The following DDR2 variants were observed in gnomAD, a reference collection of about 807,000 sequenced individuals.
DDR2 encodes discoidin domain-containing receptor 2.
A neutral mutation model predicts 94.9 loss-of-function variants in DDR2; 27 were observed. That is an observed-to-expected ratio of 0.28 (90% CI 0.21 to 0.39). The LOEUF is 0.39. Ranked by LOEUF, DDR2 falls within the 10% of genes least tolerant of loss-of-function variation. The pLI is 1.00. For missense variants in DDR2, 783 were observed against 1,076.0 expected (o/e 0.73, Z 3.81); for synonymous variants, 382 against 377.2 (o/e 1.01, Z -0.15).
intron 2 of DDR2, among the ~76,000 whole-genome samples, chr1:162,717,269 C>T (rs1661216443): frequency 6.6e-6 from 1 of 152,142 alleles, no homozygotes; most frequent in Non-Finnish European, 1.5e-5. Flanking sequence ...CTCCTGACCT[C>T]AGGTGATCCA....
chr1:162,637,226 T>A (rs1656870761), intron 1 of DDR2, among the ~76,000 whole-genome samples: 1 of 152,180 alleles, frequency 6.6e-6, no homozygotes, highest in Admixed American at 6.5e-5. Context: ...TGAATTTGAC[T>A]GTGTGAAACT....
chr1:162,707,532 A>C lies in DDR2; in HGVS notation c.-27-11505A>C, dbSNP rs541494633. 8.5e-5 allele frequency among the ~76,000 whole-genome samples: 13 copies of C among 152,260 alleles called. No homozygotes were observed. In the East Asian group the frequency reaches 2.5e-3, roughly 29 times the overall value. The stretch of plus-strand genomic sequence containing the variant: ...ATCCAGGTCCACTTATACATCTTCT[A>C]ATCTATTGCACCAACCCTGCAGCCA... On this transcript the variant is annotated intron_variant, in intron 2 of 17. Transcript: ENST00000367921.
chr1:162,636,058 T>C (rs770407638), intron 1 of DDR2, among the ~76,000 whole-genome samples: 7 of 152,244 alleles, frequency 4.6e-5, no homozygotes, highest in Non-Finnish European at 1.0e-4. Context: ...AATTTTTCTC[T>C]CTTTTAATTA....
At chr1:162,723,116 A>G (rs546437510) in intron 3 of DDR2, among the ~76,000 whole-genome samples, 10 of 152,170 alleles carry the variant, frequency 6.6e-5, no homozygotes, top group African/African-American at 2.4e-4. Context: ...CCTGCAGGAG[A>G]GTCATAGTGC....
At chr1:162,755,977 C>T (rs760593228) in intron 7 of DDR2, among the ~76,000 whole-genome samples, 3 of 152,128 alleles carry the variant, frequency 2.0e-5, no homozygotes, top group South Asian at 2.1e-4. Flanking sequence ...AAGTTAATTA[C>T]CCAGAAAACA....
intron 14 of DDR2, among the ~76,000 whole-genome samples, chr1:162,774,237 A>T (rs1488254947): frequency 6.6e-6 from 1 of 152,154 alleles, no homozygotes; most frequent in Non-Finnish European, 1.5e-5. Context: ...CCTTTCCATT[A>T]CAATAATGGT....
At chr1:162,718,712 G>A (rs1017094310) in intron 2 of DDR2, among the ~76,000 whole-genome samples, 1 of 152,156 alleles carries the variant, frequency 6.6e-6, no homozygotes, top group Non-Finnish European at 1.5e-5. Context: ...CAGTTTACAT[G>A]ATAAATATAA....
chr1:162,777,062 G>A (rs1448168557), intron 16 of DDR2, among the ~76,000 whole-genome samples: 1 of 151,882 alleles, frequency 6.6e-6, no homozygotes, highest in African/African-American at 2.4e-5. Context: ...AGACCAATTT[G>A]GTTTTGTTCA....
chr1:162,770,229 T>G (rs922965969), intron 11 of DDR2, 73 bp from the exon 12 acceptor site: 14 of 1,419,016 alleles, frequency 9.9e-6, no homozygotes, highest in Non-Finnish European at 1.3e-5. Context: ...GTGGGAGAGC[T>G]GAGTTTAAGA....
chr1:162,726,552 A>T (rs992703368), intron 3 of DDR2, among the ~76,000 whole-genome samples: 3 of 152,194 alleles, frequency 2.0e-5, no homozygotes, highest in Non-Finnish European at 4.4e-5. Flanking sequence ...GCAAGAAAAA[A>T]CAAAGCTCCA....
Position 162,751,889 on chromosome 1 carries a change from C to T in DDR2, c.83-1206C>T, listed in dbSNP as rs117944337. On this transcript the variant is annotated intron_variant, in intron 3 of 17. Transcript: ENST00000367921. Reference sequence around the variant, plus strand: ...AGAAACCATCATTTGAGCAAACTATCGCAAGGACTGAAGGCCAAGCACCGC... The same window carrying T: ...AGAAACCATCATTTGAGCAAACTATTGCAAGGACTGAAGGCCAAGCACCGC... Among the ~76,000 whole-genome samples, 93 of 152,278 alleles carry T rather than the reference C, an allele frequency of 6.1e-4. 1 individual carries two copies. In the East Asian group the frequency reaches 0.018, roughly 29 times the overall value.
intron 1 of DDR2, among the ~76,000 whole-genome samples, chr1:162,636,158 T>C (rs1031913578): frequency 6.6e-6 from 1 of 152,258 alleles, no homozygotes; most frequent in African/African-American, 2.4e-5. Flanking sequence ...TCTAATTGTT[T>C]TGCATAGATA....
intron 3 of DDR2, among the ~76,000 whole-genome samples, chr1:162,726,823 A>G (rs745461517): frequency 6.6e-6 from 1 of 152,018 alleles, no homozygotes; most frequent in Non-Finnish European, 1.5e-5. Flanking sequence ...TACCATGGAA[A>G]CTGGGCGCAC....
intron 2 of DDR2, among the ~76,000 whole-genome samples, chr1:162,700,635 G>T (rs1660389001): frequency 6.6e-6 from 1 of 152,134 alleles, no homozygotes; most frequent in South Asian, 2.1e-4. Flanking sequence ...GCTGGGGCTG[G>T]GTCATCCTTT....
intron 3 of DDR2, among the ~76,000 whole-genome samples, chr1:162,723,199 T>C (rs916316684): frequency 9.2e-5 from 14 of 152,168 alleles, no homozygotes; most frequent in African/African-American, 3.1e-4. Flanking sequence ...AGGCTGAAGA[T>C]ATAGCGTATG....
intron 3 of DDR2, among the ~76,000 whole-genome samples, chr1:162,741,265 A>AATGTAAT (rs1197734886): frequency 6.8e-5 from 6 of 87,828 alleles, no homozygotes; most frequent in African/African-American, 3.1e-4. Context: ...AATGTAATGT[A>AATGTAAT]ATATAATATA....
rs1571274736 is a variant in DDR2 at position 162,742,698 on chromosome 1, T to C, written c.83-10397T>C. On this transcript the variant is annotated intron_variant, in intron 3 of 17. Coordinates refer to ENST00000367921, the MANE Select transcript of DDR2 (RefSeq NM_006182.4). ...CAAATATCCAAACTATATCTGATGG[T>C]GTATTAATCCATTTTCATGCTGCTG... Among the ~76,000 whole-genome samples the C allele has an allele frequency of 2.6e-5, 4 of 151,366 alleles. No homozygotes were observed. In the South Asian group the frequency reaches 8.4e-4, roughly 32 times the overall value.
rs563527854 is a variant in DDR2 at position 162,686,247 on chromosome 1, C to T, written c.-28+30873C>T. Among the ~76,000 whole-genome samples, 15 of 152,078 alleles carry T rather than the reference C, an allele frequency of 9.9e-5. No homozygotes were observed. In the East Asian group the frequency reaches 2.3e-3, roughly 24 times the overall value. ...TAAGTTCTGGGATACATGTGCAGAA[C>T]GTGCAGGTTTGTTGCATAGGCATGC... is the stretch of plus-strand genomic sequence containing the variant. On this transcript the variant is annotated intron_variant, in intron 2 of 17. Transcript: ENST00000367921.
At chr1:162,755,506 G>A (rs1405574408) in intron 6 of DDR2, among the ~76,000 whole-genome samples, 158 bp from the exon 7 acceptor site, 2 of 152,168 alleles carry the variant, frequency 1.3e-5, no homozygotes, top group African/African-American at 4.8e-5. Flanking sequence ...TCATTACGTT[G>A]ACTGCCATGG....
Sources: gnomAD v4.1 joint callset for allele counts (sites outside exome capture counted in the v4.1 genomes callset) on GRCh38, gnomAD v4.1.1 for gene constraint, MANE v1.5 for transcripts, NCBI Gene and HGNC (gene_info 2026-07-23, HGNC 2026-07-21) for gene names.